Variants in FAM228B observed in about 807,000 individuals in gnomAD.
FAM228B encodes the protein family with sequence similarity 228 member B.
A neutral mutation model predicts 42.6 loss-of-function variants in FAM228B; 38 were observed. The ratio of observed to expected loss-of-function variants is 0.89; its 90% CI spans 0.69 to 1.17. The LOEUF is 1.17. Ranked by LOEUF, FAM228B falls within the 50% of genes most tolerant of loss-of-function variation. FAM228B has a pLI of 0.00. For synonymous variants in FAM228B, 109 were observed against 122.3 expected, an observed-to-expected ratio of 0.89 and a Z score of 0.72; for missense variants, 344 against 367.3, an observed-to-expected ratio of 0.94 and a Z score of 0.52.
At chr2:24,129,462 A>G (rs1397211800) in intron 2 of FAM228B, among the ~76,000 whole-genome samples, 1 of 150,950 alleles carries the variant, frequency 6.6e-6, no homozygotes, top group East Asian at 1.9e-4. Context: ...AACTCTATCC[A>G]TTTGCTGAAT....
rs571571698 is a variant in FAM228B at position 24,116,471 on chromosome 2, T to C, written c.-120-18648T>C. Among the ~76,000 whole-genome samples, 31 of 152,252 alleles carry C rather than the reference T, an allele frequency of 2.0e-4. No individual in the cohort carries two copies. In the Middle Eastern group the frequency reaches 0.01, roughly 50 times the overall value. On this transcript the variant is annotated intron_variant, in intron 3 of 10. Coordinates refer to the FAM228B transcript ENST00000613899. ...CCTCTTGAGTAGCTAGGGCTACAGG[T>C]GCACTCCACCATGCCAGGTAGCACT...
chr2:24,113,547 G>T (rs1298508527), intron 3 of FAM228B, among the ~76,000 whole-genome samples: 1 of 152,122 alleles, frequency 6.6e-6, no homozygotes, highest in African/African-American at 2.4e-5. Context: ...TCCAGCCTGG[G>T]TTATGGAGTG....
intron 3 of FAM228B, 127 bp from the exon 4 acceptor site, chr2:24,137,782 A>T (rs1393386673): frequency 4.8e-6 from 3 of 628,030 alleles, no homozygotes; most frequent in Non-Finnish European, 8.1e-6. Context: ...GAAACGATTG[A>T]ATTAATGAAT....
intron 3 of FAM228B, among the ~76,000 whole-genome samples, chr2:24,098,933 C>T (rs1665554738): frequency 6.6e-6 from 1 of 152,166 alleles, no homozygotes; most frequent in African/African-American, 2.4e-5. Context: ...GCTTATCAAC[C>T]ATGATCAAGT....
At chr2:24,115,206 A>G (rs1454304310) in intron 3 of FAM228B, among the ~76,000 whole-genome samples, 1 of 152,192 alleles carries the variant, frequency 6.6e-6, no homozygotes, top group Non-Finnish European at 1.5e-5. Context: ...TCATTTTTCA[A>G]GGTTGCTTGC....
chr2:24,110,167 A>G (rs1665766233), intron 3 of FAM228B, among the ~76,000 whole-genome samples: 1 of 152,194 alleles, frequency 6.6e-6, no homozygotes, highest in Admixed American at 6.5e-5. Flanking sequence ...ATCCTTAGCA[A>G]ACTAAGACAG....
intron 3 of FAM228B, among the ~76,000 whole-genome samples, chr2:24,103,435 C>T (rs1442470456): frequency 6.6e-6 from 1 of 152,192 alleles, no homozygotes; most frequent in Non-Finnish European, 1.5e-5. Context: ...CATTTGGAGA[C>T]CTCTGTTACA....
intron 3 of FAM228B, chr2:24,115,419 T>A: frequency 1.6e-6 from 1 of 619,012 alleles, no homozygotes; most frequent in East Asian, 2.8e-5. Context: ...GTAATTCCAG[T>A]GAAAGAAGAG....
intron 1 of FAM228B, chr2:24,079,740 T>C: frequency 1.7e-6 from 2 of 1,162,082 alleles, no homozygotes; most frequent in Non-Finnish European, 2.5e-6. Flanking sequence ...ATGCAAGTGG[T>C]AAATCTATAG....
chr2:24,147,916 CTT>C (rs34823316), intron 7 of FAM228B, among the ~76,000 whole-genome samples: 1,936 of 119,146 alleles, frequency 0.016, 41 homozygotes, highest in African/African-American at 0.039. Context: ...TTTGCCTTGC[CTT>C]TTTTTTTTTT....
At chr2:24,154,992 G>A (rs779255563) in intron 7 of FAM228B, among the ~76,000 whole-genome samples, 1 of 152,140 alleles carries the variant, frequency 6.6e-6, no homozygotes, top group Non-Finnish European at 1.5e-5. Context: ...AACAATGGCT[G>A]TTACTTTTTT....
At chr2:24,122,543 C>A, upstream of FAM228B, 2 of 1,591,538 alleles carry the variant, frequency 1.3e-6, no homozygotes, top group Non-Finnish European at 1.7e-6. Flanking sequence ...CATGTTCCCT[C>A]AACTCTGAAA....
At chr2:24,101,476 G>T (rs1409230871) in intron 3 of FAM228B, among the ~76,000 whole-genome samples, 1 of 151,798 alleles carries the variant, frequency 6.6e-6, no homozygotes, top group Non-Finnish European at 1.5e-5. Context: ...TTATTATTAT[G>T]ATATTATTAG....
intron 7 of FAM228B, among the ~76,000 whole-genome samples, chr2:24,151,491 C>A (rs866881954): frequency 6.6e-6 from 1 of 151,892 alleles, no homozygotes; most frequent in East Asian, 1.9e-4. Context: ...GGGGTTTCAC[C>A]ATGTTGGCCA....
intron 3 of FAM228B, among the ~76,000 whole-genome samples, chr2:24,108,725 C>A (rs1005415616): frequency 5.3e-5 from 8 of 151,796 alleles, no homozygotes; most frequent in Non-Finnish European, 1.2e-4. Flanking sequence ...CACGGTGAAA[C>A]CCTGTCTCTA....
At chr2:24,162,873 A>T (rs1001865778) in intron 8 of FAM228B, among the ~76,000 whole-genome samples, 11 of 152,196 alleles carry the variant, frequency 7.2e-5, no homozygotes, top group African/African-American at 2.4e-4. Context: ...AGAAAAGGCA[A>T]ATCTGTAAAG....
At chr2:24,142,881 T>C (rs758557703) in intron 5 of FAM228B, 1 of 152,242 alleles carries the variant, frequency 6.6e-6, no homozygotes, top group Non-Finnish European at 1.5e-5. Context: ...TCTTTGATAT[T>C]CAGTAATGAA....
chr2:24,084,162 G>C lies in FAM228B; in HGVS notation c.-210+3207G>C. ...AGAGGGAGGCTCTGGAGTCCCGCCC[G>C]CCCCGGCGCGGCTGAGCCCTGGGTA... On this transcript the variant is annotated intron_variant, in intron 2 of 10. Coordinates refer to the FAM228B transcript ENST00000613899. The surrounding 1 kb of genome is among the most constrained non-coding windows in gnomAD (Gnocchi z 8.4). 1 of 1,593,992 alleles carries C rather than the reference G, an allele frequency of 6.3e-7. No individual in the cohort carries two copies. Among genetic ancestry groups the C allele is most frequent in the Non-Finnish European group, 8.5e-7 (1 of 1,171,812 alleles).
chr2:24,082,809 T>C (rs1665063572), intron 2 of FAM228B: 1 of 1,494,536 alleles, frequency 6.7e-7, no homozygotes, highest in Admixed American at 2.2e-5. Context: ...CCCTGGGGGA[T>C]TGCTGGGATT....
Sources: allele counts gnomAD v4.1 joint callset (sites outside exome capture counted in the v4.1 genomes callset), GRCh38; gene constraint gnomAD v4.1.1; non-coding constraint Gnocchi (gnomAD v3.1); transcripts MANE v1.5; gene names NCBI Gene and HGNC (gene_info 2026-07-23, HGNC 2026-07-21).